The following GRIN2A variants were observed in gnomAD, a reference collection of about 807,000 sequenced individuals.
GRIN2A encodes glutamate ionotropic receptor NMDA type subunit 2A, also known as glutamate receptor ionotropic, NMDA 2A.
Under a neutral mutation model 113.4 loss-of-function variants are expected in GRIN2A, and 22 were observed. The ratio of observed to expected loss-of-function variants is 0.19; its 90% CI spans 0.14 to 0.28. GRIN2A has a LOEUF of 0.28. GRIN2A is among the 10% of genes least tolerant of loss of function. GRIN2A has a pLI of 1.00. For missense variants in GRIN2A, 1,502 were observed against 1,887.0 expected, an observed-to-expected ratio of 0.80 and a Z score of 3.78; for synonymous variants, 827 against 738.4, an observed-to-expected ratio of 1.12 and a Z score of -1.94.
chr16:10,062,543 C>A (rs1229881488), intron 2 of GRIN2A, among the ~76,000 whole-genome samples: 1 of 152,172 alleles, frequency 6.6e-6, no homozygotes, highest in Non-Finnish European at 1.5e-5. Flanking sequence ...GACTGACACA[C>A]ACTAAAGTTT....
chr16:9,932,986 G>A (rs1031201047), intron 3 of GRIN2A, among the ~76,000 whole-genome samples: 31 of 152,242 alleles, frequency 2.0e-4, no homozygotes, highest in African/African-American at 6.0e-4. Context: ...CACAACAGCC[G>A]GGATTCCACC....
At chr16:9,960,401 G>C (rs1332742625) in intron 2 of GRIN2A, among the ~76,000 whole-genome samples, 1 of 152,122 alleles carries the variant, frequency 6.6e-6, no homozygotes, top group Non-Finnish European at 1.5e-5. Flanking sequence ...ACTGTTCTTG[G>C]GTTGTAGCAT....
rs1369133914 is a variant in GRIN2A, at chr16:9,760,266, T to C, written c.*2883A>G. ...TCATACTGTGGGTTCCATTTACCAC[T>C]GGACGTTACATTCCTGATATTCTTT... On this transcript the variant is annotated 3_prime_UTR_variant, in exon 13 of 13. Coordinates refer to ENST00000330684, the MANE Select transcript of GRIN2A (RefSeq NM_001134407.3). The C allele has an allele frequency of 4.4e-6, 1 of 227,664 alleles. No homozygotes were observed. Among genetic ancestry groups the C allele is most frequent in the Non-Finnish European group, 8.7e-6 (1 of 114,686 alleles). The allele number at this position is 227,664 out of a possible 1,614,324, so 14.1% of individuals were successfully genotyped here. A position where few individuals can be genotyped will look rare whatever the true frequency, so the allele number is the denominator to read the frequency against.
chr16:10,101,164 G>A (rs1181358827), intron 2 of GRIN2A, among the ~76,000 whole-genome samples: 1 of 152,224 alleles, frequency 6.6e-6, no homozygotes, highest in Admixed American at 6.5e-5. Flanking sequence ...AAAGCTTTCT[G>A]TTAGGTTGGC....
intron 4 of GRIN2A, among the ~76,000 whole-genome samples, chr16:9,870,715 G>C (rs750881672): frequency 1.3e-5 from 2 of 149,474 alleles, no homozygotes; most frequent in Admixed American, 6.7e-5. Context: ...TTGGCTCACC[G>C]CAACCTCCGC....
rs535764856 is a variant in GRIN2A, at chr16:9,990,550, C to T, written c.415-51999G>A. ...CCCTGAATCTCTCTCTCTACACGCG[C>T]GCGCGCGCGCGCGCACACACACACA... On this transcript the variant is annotated intron_variant, in intron 2 of 12. Coordinates refer to ENST00000330684, the MANE Select transcript of GRIN2A (RefSeq NM_001134407.3). Among the ~76,000 whole-genome samples the T allele has an allele frequency of 3.7e-4, 35 of 93,730 alleles. 1 individual carries two copies. The highest frequency in any genetic ancestry group is 1.0e-3 in the African/African-American group (27 of 26,522). The allele number at this position is 93,730 out of a possible 152,430, so 61.5% of individuals were successfully genotyped here.
At position 9,849,893 on chromosome 16, in the gene GRIN2A, G is replaced by A. The variant is rs1231295919; in HGVS notation, c.1191C>T (p.Ser397=). The part of the protein sequence containing the change: ...HAVWPRYKSF[S]DCEPDDNHLS... ...GATGGTTGTCATCCGGCTCACAGTC[G>A]GAGAAGGACTTGTACCTGGGCCACA... The change falls in exon 5 of 13, where the codon TCC becomes TCT. Residue 397 remains serine, a synonymous_variant. Coordinates refer to ENST00000330684, the MANE Select transcript of GRIN2A (RefSeq NM_001134407.3). 16 of 1,613,904 alleles carry A rather than the reference G, an allele frequency of 9.9e-6. No homozygotes were observed. The highest frequency in any genetic ancestry group is 1.3e-5 in the African/African-American group (1 of 74,892).
chr16:9,930,234 G>A (rs573077847), intron 3 of GRIN2A, among the ~76,000 whole-genome samples: 1 of 152,084 alleles, frequency 6.6e-6, no homozygotes, highest in Admixed American at 6.6e-5. Context: ...GTAGAGTGCC[G>A]ACTATATCCT....
intron 2 of GRIN2A, among the ~76,000 whole-genome samples, chr16:9,985,480 C>T (rs151124434): frequency 1.2e-4 from 18 of 152,110 alleles, no homozygotes; most frequent in African/African-American, 4.1e-4. Flanking sequence ...AAATGTGGTA[C>T]ATATACACAA....
intron 2 of GRIN2A, chr16:10,179,743 G>C: frequency 1.9e-6 from 1 of 535,996 alleles, no homozygotes; most frequent in Non-Finnish European, 3.4e-6. Context: ...TCAGTTTTCT[G>C]AGCGCTTCCT....
At chr16:9,798,211 G>C in intron 11 of GRIN2A, 66 bp downstream of exon 11, 1 of 1,316,592 alleles carries the variant, frequency 7.6e-7, no homozygotes, top group Non-Finnish European at 1.1e-6. Context: ...GGGAAGCCCA[G>C]GAGCAAACAA....
chr16:9,876,329 T>C (rs1354640457), intron 4 of GRIN2A, among the ~76,000 whole-genome samples: 1 of 152,156 alleles, frequency 6.6e-6, no homozygotes, highest in East Asian at 1.9e-4. Flanking sequence ...TGCTAAACCA[T>C]CACAGCTATG....
At chr16:9,906,300 C>G (rs1309002822) in intron 3 of GRIN2A, among the ~76,000 whole-genome samples, 2 of 152,190 alleles carry the variant, frequency 1.3e-5, no homozygotes, top group Non-Finnish European at 2.9e-5. Flanking sequence ...TTAACAGTAT[C>G]CTGCATTGGA....
intron 2 of GRIN2A, among the ~76,000 whole-genome samples, chr16:10,060,264 G>T (rs554830427): frequency 7.9e-5 from 12 of 152,332 alleles, no homozygotes; most frequent in African/African-American, 2.6e-4. Context: ...CTCTATACTA[G>T]AAAGAGAAGG....
intron 10 of GRIN2A, among the ~76,000 whole-genome samples, chr16:9,802,576 A>C (rs1903428931): frequency 1.3e-5 from 2 of 152,102 alleles, no homozygotes; most frequent in Admixed American, 6.5e-5. Context: ...AGGCCTCACA[A>C]CTGTCCAGTA....
intron 7 of GRIN2A, 36 bp from the exon 8 acceptor site, chr16:9,834,266 T>G: frequency 6.2e-7 from 1 of 1,611,080 alleles, no homozygotes; most frequent in Non-Finnish European, 8.5e-7. Flanking sequence ...GAAACGTGGT[T>G]AGTTATCTCT....
At chr16:10,042,917 G>T (rs530410527) in intron 2 of GRIN2A, among the ~76,000 whole-genome samples, 1 of 152,208 alleles carries the variant, frequency 6.6e-6, no homozygotes, top group Non-Finnish European at 1.5e-5. Context: ...ACAGACGGAA[G>T]GGAAGAAGGT....
intron 3 of GRIN2A, among the ~76,000 whole-genome samples, chr16:9,932,801 G>A (rs1224004471): frequency 6.6e-6 from 1 of 152,156 alleles, no homozygotes; most frequent in Non-Finnish European, 1.5e-5. Context: ...TTACACCTGA[G>A]GGAGCCGACG....
intron 2 of GRIN2A, among the ~76,000 whole-genome samples, chr16:10,122,179 G>C (rs1376877790): frequency 1.3e-5 from 2 of 152,148 alleles, no homozygotes; most frequent in East Asian, 3.8e-4. Flanking sequence ...AAAGTCCCCT[G>C]ATAATATTTG....
Sources: gnomAD v4.1 joint callset for allele counts (sites outside exome capture counted in the v4.1 genomes callset) on GRCh38, gnomAD v4.1.1 for gene constraint, MANE v1.5 for transcripts, NCBI Gene and HGNC (gene_info 2026-07-23, HGNC 2026-07-21) for gene names.